The following VTI1A variants were observed in gnomAD, a reference collection of about 807,000 sequenced individuals.
The protein encoded by VTI1A is vesicle transport through interaction with t-SNAREs homolog 1A.
In VTI1A, 22 loss-of-function variants were observed where a neutral mutation model predicts 34.9. The observed-to-expected ratio is 0.63, with a 90% CI of 0.45 to 0.90. The LOEUF (loss-of-function observed/expected upper bound fraction) is 0.90, where lower values mean the gene tolerates loss of function less well. Among genes scored for constraint, VTI1A ranks in the 40% least tolerant of loss-of-function variants. The probability of loss-of-function intolerance (pLI) is 0.00; values close to 1 mark genes in which losing one functional copy is unlikely to be tolerated. For missense variants in VTI1A, 268 were observed against 275.6 expected, an observed-to-expected ratio of 0.97 and a Z score of 0.20; for synonymous variants, 87 against 97.3, an observed-to-expected ratio of 0.89 and a Z score of 0.62.
chr10:112,632,334 A>T (rs79970407), intron 5 of VTI1A, among the ~76,000 whole-genome samples: 19,354 of 152,238 alleles, frequency 0.13, 1,736 homozygotes, highest in South Asian at 0.38. Flanking sequence ...GCTTGAACGT[A>T]TGTGGAGTTT....
intron 5 of VTI1A, among the ~76,000 whole-genome samples, chr10:112,572,682 CA>C (rs550769039): frequency 6.6e-6 from 1 of 151,836 alleles, no homozygotes; most frequent in African/African-American, 2.4e-5. Flanking sequence ...ACTAAAAATA[CA>C]AAAAATTAGC....
At chr10:112,655,850 T>G (rs1847211648) in intron 5 of VTI1A, among the ~76,000 whole-genome samples, 1 of 152,152 alleles carries the variant, frequency 6.6e-6, no homozygotes, top group Non-Finnish European at 1.5e-5. Flanking sequence ...GTGCCCCATA[T>G]CTAGGCAATT....
chr10:112,798,244 C>G (rs988192208), intron 7 of VTI1A, among the ~76,000 whole-genome samples: 1 of 152,196 alleles, frequency 6.6e-6, no homozygotes, highest in Non-Finnish European at 1.5e-5. Context: ...GAGGTGGACC[C>G]CAGTTCACTA....
intron 7 of VTI1A, among the ~76,000 whole-genome samples, chr10:112,743,318 A>G (rs1850763544): frequency 6.6e-6 from 1 of 152,298 alleles, no homozygotes; most frequent in South Asian, 2.1e-4. Flanking sequence ...CAGGCTTACA[A>G]TGTTTACTAC....
chr10:112,724,028 T>C (rs1362890277), intron 7 of VTI1A, among the ~76,000 whole-genome samples: 2 of 152,322 alleles, frequency 1.3e-5, no homozygotes, highest in East Asian at 3.9e-4. Context: ...TTTTTTCCCT[T>C]TTTCTCCTAC....
intron 5 of VTI1A, among the ~76,000 whole-genome samples, chr10:112,658,933 G>A (rs1161843726): frequency 6.6e-6 from 1 of 152,204 alleles, no homozygotes; most frequent in East Asian, 1.9e-4. Flanking sequence ...ATGTTTGCTA[G>A]CCACGTAAGT....
At chr10:112,489,638 A>C (rs1848754815) in intron 3 of VTI1A, among the ~76,000 whole-genome samples, 1 of 152,182 alleles carries the variant, frequency 6.6e-6, no homozygotes. Flanking sequence ...TCTCAGAGTA[A>C]AACTCAGTTC....
At chr10:112,840,569 C>T in the VTI1A span, among the ~76,000 whole-genome samples, 2 of 152,216 alleles carry the variant, frequency 1.3e-5, no homozygotes, top group Non-Finnish European at 2.9e-5. Context: ...TTCCCTAGCA[C>T]TCAACAGGTG....
In VTI1A at chr10:112,500,146, G is replaced by A. The variant is rs142630873; in HGVS notation, c.265-26941G>A. On this transcript the variant is annotated intron_variant, in intron 3 of 7. Coordinates refer to ENST00000393077, the MANE Select transcript of VTI1A (RefSeq NM_145206.4). Reference sequence around the variant, plus strand: ...TCAGTGTTTTTCATACATTGAAATTGGTTGCCAAGGCCGGGTGTGGTGACT... The same window carrying A: ...TCAGTGTTTTTCATACATTGAAATTAGTTGCCAAGGCCGGGTGTGGTGACT... 2.6e-3 allele frequency among the ~76,000 whole-genome samples: 394 copies of A among 152,114 alleles called. 2 individuals are homozygous for A. Among genetic ancestry groups the A allele is most frequent in the Non-Finnish European group, 4.2e-3 (285 of 68,000 alleles).
intron 5 of VTI1A, among the ~76,000 whole-genome samples, chr10:112,576,459 A>T (rs1266551446): frequency 6.6e-6 from 1 of 152,240 alleles, no homozygotes; most frequent in African/African-American, 2.4e-5. Context: ...CCAATTTAAT[A>T]GCCTTAGAAC....
chr10:112,675,440 G>A (rs1847988597), intron 7 of VTI1A, among the ~76,000 whole-genome samples: 1 of 152,170 alleles, frequency 6.6e-6, no homozygotes, highest in East Asian at 1.9e-4. Flanking sequence ...GCAGACAGTT[G>A]TTCCTGAAAG....
At chr10:112,507,610 T>G (rs1463374045) in intron 3 of VTI1A, among the ~76,000 whole-genome samples, 4 of 152,216 alleles carry the variant, frequency 2.6e-5, no homozygotes, top group Non-Finnish European at 5.9e-5. Flanking sequence ...TAGCACGGAC[T>G]TCCTTTAGTT....
chr10:112,709,461 C>G (rs1375889751), intron 7 of VTI1A, among the ~76,000 whole-genome samples: 1 of 152,060 alleles, frequency 6.6e-6, no homozygotes, highest in Non-Finnish European at 1.5e-5. Context: ...CCACCCTCCC[C>G]TCGCTTGACC....
At chr10:112,647,044 A>G (rs939813028) in intron 5 of VTI1A, among the ~76,000 whole-genome samples, 2 of 152,198 alleles carry the variant, frequency 1.3e-5, no homozygotes, top group Admixed American at 1.3e-4. Flanking sequence ...CCTCTGACCT[A>G]AAATTTGCCC....
chr10:112,566,549 CTG>C (rs1423249251), intron 5 of VTI1A, among the ~76,000 whole-genome samples: 2 of 152,170 alleles, frequency 1.3e-5, no homozygotes, highest in South Asian at 2.1e-4. Flanking sequence ...CGAAAATACT[CTG>C]TGTAAATTAT....
At chr10:112,779,025 CA>C (rs1365125051) in intron 7 of VTI1A, among the ~76,000 whole-genome samples, 1 of 152,168 alleles carries the variant, frequency 6.6e-6, no homozygotes, top group Non-Finnish European at 1.5e-5. Flanking sequence ...TTCAAATTCT[CA>C]AAGATGTTTC....
chr10:112,511,214 A>T (rs1224322705), intron 3 of VTI1A, among the ~76,000 whole-genome samples: 2 of 151,010 alleles, frequency 1.3e-5, no homozygotes, highest in East Asian at 3.9e-4. Context: ...TTATTTATTT[A>T]ATCTGTACAA....
intron 7 of VTI1A, among the ~76,000 whole-genome samples, chr10:112,713,473 T>C (rs1041519323): frequency 6.6e-6 from 1 of 152,188 alleles, no homozygotes; most frequent in East Asian, 1.9e-4. Flanking sequence ...GGCATTATTA[T>C]TTTCTTTTAC....
At chr10:112,748,758 T>C (rs1034682541) in intron 7 of VTI1A, among the ~76,000 whole-genome samples, 5 of 151,652 alleles carry the variant, frequency 3.3e-5, no homozygotes, top group African/African-American at 9.7e-5. Context: ...CCTGAGTAGC[T>C]GGGACTACAG....
Sources: allele counts gnomAD v4.1 joint callset (sites outside exome capture counted in the v4.1 genomes callset), GRCh38; gene constraint gnomAD v4.1.1; transcripts MANE v1.5; gene names NCBI Gene and HGNC (gene_info 2026-07-23, HGNC 2026-07-21).